SHANK2: variants seen among roughly 807,000 people sequenced by gnomAD.
SHANK2 encodes SH3 and multiple ankyrin repeat domains 2.
Under a neutral mutation model 133.7 loss-of-function variants are expected in SHANK2, and 43 were observed. The ratio of observed to expected loss-of-function variants is 0.32; its 90% CI spans 0.25 to 0.41. SHANK2 has a LOEUF of 0.41. Ranked by LOEUF, SHANK2 falls within the 10% of genes least tolerant of loss-of-function variation. The pLI, the probability that SHANK2 is intolerant of heterozygous loss-of-function variation, is 1.00. For missense variants in SHANK2, 1,994 were observed against 2,235.8 expected (o/e 0.89, Z 2.18); for synonymous variants, 1,017 against 952.8 (o/e 1.07, Z -1.24).
intron 11 of SHANK2, among the ~76,000 whole-genome samples, chr11:70,879,842 C>T (rs758141106): frequency 2.0e-5 from 3 of 152,156 alleles, no homozygotes; most frequent in Non-Finnish European, 4.4e-5. Context: ...GCCTGGAGAG[C>T]CAGGGACTCC....
At chr11:71,222,780 G>A (rs1304891111) in intron 2 of SHANK2, among the ~76,000 whole-genome samples, 1 of 152,226 alleles carries the variant, frequency 6.6e-6, no homozygotes, top group African/African-American at 2.4e-5. Context: ...CTAGGATAAA[G>A]GGGTGGACCA....
chr11:70,764,233 C>T lies in SHANK2; in HGVS notation c.1777+34210G>A, dbSNP rs1555040865. Among the ~76,000 whole-genome samples the T allele has an allele frequency of 3.4e-5, 5 of 148,352 alleles. 1 individual carries two copies. On this transcript the variant is annotated intron_variant, in intron 14 of 25. Coordinates refer to ENST00000601538, the MANE Select transcript of SHANK2 (RefSeq NM_012309.5). ...ACATATCCACCCATCCATCTATCCA[C>T]TACCCACCCATGCATCCATCCATCC...
At chr11:71,218,524 A>G (rs922840379) in intron 2 of SHANK2, among the ~76,000 whole-genome samples, 2 of 152,018 alleles carry the variant, frequency 1.3e-5, no homozygotes, top group Non-Finnish European at 2.9e-5. Flanking sequence ...CAGCCTCCCA[A>G]AGTGCTGGAA....
intron 2 of SHANK2, among the ~76,000 whole-genome samples, chr11:71,210,457 G>A (rs999757877): frequency 6.6e-6 from 1 of 151,288 alleles, no homozygotes; most frequent in Non-Finnish European, 1.5e-5. Context: ...CACTGTGTTA[G>A]CCAGGATGGT....
At chr11:70,842,169 A>G (rs72956646) in intron 11 of SHANK2, among the ~76,000 whole-genome samples, 1 of 152,352 alleles carries the variant, frequency 6.6e-6, no homozygotes, top group Non-Finnish European at 1.5e-5. Context: ...ATTTACTTCC[A>G]AGTATATGAA....
chr11:70,490,456 A>T, intron 22 of SHANK2, 69 bp from the exon 23 acceptor site: 1 of 1,332,132 alleles, frequency 7.5e-7, no homozygotes, highest in Non-Finnish European at 1.1e-6. Flanking sequence ...CAGGGCCCAG[A>T]GACCACAAGG....
rs1183615773 is a variant in SHANK2, at chr11:71,081,485, T to C, written c.913-6210A>G. ...GGAGCCCATCACTCTCATAACATGA[T>C]TTTTGGAAAGATGAGGTCTCTTAAA... On this transcript the variant is annotated intron_variant, in intron 8 of 25. Coordinates refer to ENST00000601538, the MANE Select transcript of SHANK2 (RefSeq NM_012309.5). 7.9e-5 allele frequency among the ~76,000 whole-genome samples: 12 copies of C among 152,094 alleles called. 1 individual carries two copies. Among genetic ancestry groups the C allele is most frequent in the African/African-American group, 2.2e-4 (9 of 41,406 alleles).
intron 1 of SHANK2, among the ~76,000 whole-genome samples, chr11:71,229,765 G>GAAAAAAAAAAAAAAAAAAA (rs55730780): frequency 2.6e-5 from 3 of 116,534 alleles, no homozygotes; most frequent in Non-Finnish European, 3.7e-5. Flanking sequence ...TCTCAAAAAA[G>GAAAAAAAAAAAAAAAAAAA]AAAAAAAAAA....
intron 17 of SHANK2, among the ~76,000 whole-genome samples, chr11:70,595,812 C>G (rs1179205381): frequency 6.6e-6 from 1 of 152,272 alleles, no homozygotes. Flanking sequence ...AAACCCTTCT[C>G]TCAAACTGCG....
At chr11:71,165,485 G>A (rs1304512956) in intron 2 of SHANK2, among the ~76,000 whole-genome samples, 1 of 152,158 alleles carries the variant, frequency 6.6e-6, no homozygotes, top group Non-Finnish European at 1.5e-5. Flanking sequence ...CTCCTAGGAC[G>A]CTATGCTGTG....
intron 14 of SHANK2, among the ~76,000 whole-genome samples, chr11:70,796,892 T>TC (rs1397479750): frequency 6.6e-6 from 1 of 151,464 alleles, no homozygotes; most frequent in Non-Finnish European, 1.5e-5. Flanking sequence ...TAAATGACCC[T>TC]CCCCCCAGCA....
chr11:71,075,000 G>A (rs930124166), intron 9 of SHANK2, among the ~76,000 whole-genome samples, 159 bp downstream of exon 9: 7 of 151,896 alleles, frequency 4.6e-5, no homozygotes, highest in Non-Finnish European at 1.5e-5. Context: ...GGATGGTCTC[G>A]ATCTCCTGAC....
intron 14 of SHANK2, among the ~76,000 whole-genome samples, chr11:70,757,654 C>T (rs1477239994): frequency 6.6e-6 from 1 of 152,196 alleles, no homozygotes; most frequent in Non-Finnish European, 1.5e-5. Flanking sequence ...TGCTGTGTCC[C>T]CTCAAGGAGA....
intron 10 of SHANK2, among the ~76,000 whole-genome samples, chr11:70,930,900 C>A (rs1255115755): frequency 1.3e-5 from 2 of 151,434 alleles, no homozygotes; most frequent in East Asian, 3.9e-4. Context: ...CTCCTAGGCT[C>A]ATGCAATCCT....
intron 16 of SHANK2, 114 bp downstream of exon 16, chr11:70,661,482 G>C: frequency 3.6e-6 from 4 of 1,102,370 alleles, no homozygotes; most frequent in Non-Finnish European, 5.3e-6. Flanking sequence ...GCTGGGGAAC[G>C]TTTTTCATGC....
intron 11 of SHANK2, among the ~76,000 whole-genome samples, chr11:70,844,429 G>A (rs1263616991): frequency 6.6e-6 from 1 of 152,114 alleles, no homozygotes; most frequent in Non-Finnish European, 1.5e-5. Context: ...TCGACAAGGG[G>A]ATCATCTAAA....
intron 4 of SHANK2, among the ~76,000 whole-genome samples, chr11:71,114,179 T>G (rs1190155683): frequency 6.6e-6 from 1 of 152,176 alleles, no homozygotes. Context: ...AGTTTCCTTA[T>G]CTGCCCCATG....
At chr11:70,589,892 G>A (rs549016390) in intron 17 of SHANK2, among the ~76,000 whole-genome samples, 2 of 152,308 alleles carry the variant, frequency 1.3e-5, no homozygotes, top group East Asian at 1.9e-4. Flanking sequence ...GGTGGCTCAC[G>A]CCTGTAATCC....
chr11:70,862,283 T>A (rs1265918498), intron 11 of SHANK2, among the ~76,000 whole-genome samples: 1 of 152,116 alleles, frequency 6.6e-6, no homozygotes, highest in Non-Finnish European at 1.5e-5. Context: ...TGTGACACAA[T>A]CTGATTTATG....
Sources: gnomAD v4.1 joint callset for allele counts (sites outside exome capture counted in the v4.1 genomes callset) on GRCh38, gnomAD v4.1.1 for gene constraint, MANE v1.5 for transcripts, NCBI Gene and HGNC (gene_info 2026-07-23, HGNC 2026-07-21) for gene names.